The following BCR variants were observed in gnomAD, a reference collection of about 807,000 sequenced individuals.
BCR encodes the protein BCR activator of RhoGEF and GTPase.
In BCR, 58 loss-of-function variants were observed where a neutral mutation model predicts 138.6. That is an observed-to-expected ratio of 0.42 (90% CI 0.34 to 0.52). The LOEUF (loss-of-function observed/expected upper bound fraction) is 0.52. Among genes scored for constraint, BCR ranks in the 20% least tolerant of loss-of-function variants. The probability of loss-of-function intolerance (pLI) is 0.06; values close to 1 mark genes in which losing one functional copy is unlikely to be tolerated. For missense variants in BCR, 1,599 were observed against 1,727.2 expected (o/e 0.93, Z 1.32); for synonymous variants, 786 against 730.1 (o/e 1.08, Z -1.23).
intron 1 of BCR, among the ~76,000 whole-genome samples, chr22:23,214,069 T>C (rs1300743793): frequency 6.6e-6 from 1 of 152,218 alleles, no homozygotes; most frequent in Non-Finnish European, 1.5e-5. Flanking sequence ...AAAAAGCACC[T>C]AGCGTGGCTG....
rs552454666 is a variant in BCR at position 23,301,754 on chromosome 22, T to C, written c.3012+6599T>C. 2.6e-5 allele frequency among the ~76,000 whole-genome samples: 4 copies of C among 152,178 alleles called. No individual in the cohort carries two copies. The South Asian group carries it at 8.3e-4, about 31-fold the overall frequency. The stretch of plus-strand genomic sequence containing the variant: ...CTGGGGAGAGGGGTCTTCTTGTTCT[T>C]GGGGACCCCCCCGCCAGGCATGGCA... On this transcript the variant is annotated intron_variant, in intron 16 of 22. Coordinates refer to ENST00000305877, the MANE Select transcript of BCR (RefSeq NM_004327.4).
intron 18 of BCR, among the ~76,000 whole-genome samples, chr22:23,311,422 T>C (rs1344616546): frequency 6.6e-6 from 1 of 151,818 alleles, no homozygotes; most frequent in Non-Finnish European, 1.5e-5. Flanking sequence ...CCGTGCTGAC[T>C]TGACATAGAC....
Position 23,289,631 on chromosome 22 carries a change from C to CG in BCR, c.2707+10_2707+11insG, listed in dbSNP as rs775492543. 6 of 1,610,648 alleles carry CG rather than the reference C, an allele frequency of 3.7e-6. No individual in the cohort carries two copies. The African/African-American group carries it at 5.3e-5, about 14-fold the overall frequency. On this transcript the variant is annotated intron_variant, in intron 13 of 22. Coordinates refer to ENST00000305877, the MANE Select transcript of BCR (RefSeq NM_004327.4). ...ACCATCAATAAGGAAGGTGGGCCCC[C>CG]CCGTTTCCGTGTACAGGGCACCTGC...
Position 23,316,859 on chromosome 22 carries a change from G to A in BCR, c.*1337G>A, listed in dbSNP as rs1398057813. 6 of 112,422 alleles carry A rather than the reference G, an allele frequency of 5.3e-5. No homozygotes were observed. In the Middle Eastern group the frequency reaches 6.8e-3, roughly 127 times the overall value. 7.0% of individuals were successfully genotyped at this position (112,422 alleles called of 1,614,324 possible). The stretch of plus-strand genomic sequence containing the variant: ...CAAAGAAAACAGAAGCATGGAGACC[G>A]CCAAGTATTTTCAAGAAATAACCCC... On this transcript the variant is annotated 3_prime_UTR_variant, in exon 23 of 23. Coordinates refer to ENST00000305877, the MANE Select transcript of BCR (RefSeq NM_004327.4).
chr22:23,254,215 A>G (rs368207741), intron 2 of BCR, among the ~76,000 whole-genome samples: 1 of 151,960 alleles, frequency 6.6e-6, no homozygotes, highest in East Asian at 1.9e-4. Context: ...GGCAGGCAGC[A>G]TGTGGTCTTG....
intron 1 of BCR, among the ~76,000 whole-genome samples, chr22:23,184,748 ACCTTGACAC>A (rs1430473453): frequency 6.6e-6 from 1 of 152,136 alleles, no homozygotes; most frequent in African/African-American, 2.4e-5. Flanking sequence ...AGCCCTGGGC[ACCTTGACAC>A]TCTGCCTAGC....
chr22:23,253,093 C>A (rs2073249939), intron 1 of BCR, among the ~76,000 whole-genome samples: 1 of 152,164 alleles, frequency 6.6e-6, no homozygotes, highest in African/African-American at 2.4e-5. Context: ...AAATAACTTA[C>A]TAGCTGACTG....
At chr22:23,188,875 T>G (rs1293409259) in intron 1 of BCR, among the ~76,000 whole-genome samples, 1 of 152,242 alleles carries the variant, frequency 6.6e-6, no homozygotes, top group Non-Finnish European at 1.5e-5. Context: ...GTTATATTTT[T>G]TATTTTTTCA....
intron 1 of BCR, among the ~76,000 whole-genome samples, chr22:23,246,691 C>G (rs1602059693): frequency 6.6e-6 from 1 of 152,100 alleles, no homozygotes; most frequent in Admixed American, 6.6e-5. Flanking sequence ...CACTCAGGTG[C>G]GTATTCCAAG....
At chr22:23,184,680 G>A (rs899289315) in intron 1 of BCR, among the ~76,000 whole-genome samples, 6 of 152,096 alleles carry the variant, frequency 3.9e-5, no homozygotes, top group Non-Finnish European at 7.3e-5. Context: ...GTTCACTCTT[G>A]GTGTTGTACA....
chr22:23,199,329 C>T (rs1173770986), intron 1 of BCR: 1 of 518,410 alleles, frequency 1.9e-6, no homozygotes. Context: ...ATGCCTGTGT[C>T]ATCTCCTGGC....
chr22:23,244,259 T>C (rs150552731), intron 1 of BCR, among the ~76,000 whole-genome samples: 101 of 152,324 alleles, frequency 6.6e-4, no homozygotes, highest in African/African-American at 2.3e-3. Flanking sequence ...GTAGTAGTAA[T>C]TGGACAATCT....
intron 1 of BCR, among the ~76,000 whole-genome samples, chr22:23,237,104 G>A (rs773377213): frequency 5.9e-5 from 9 of 152,200 alleles, no homozygotes; most frequent in South Asian, 2.1e-4. Flanking sequence ...TTTTCCTGGC[G>A]TGTCTGCAGT....
chr22:23,270,947 T>C (rs2073502866), intron 5 of BCR, among the ~76,000 whole-genome samples: 1 of 152,234 alleles, frequency 6.6e-6, no homozygotes, highest in African/African-American at 2.4e-5. Flanking sequence ...GGTGGAGGTA[T>C]AATCCAGTGT....
chr22:23,263,248 G>T, intron 4 of BCR: 1 of 1,057,118 alleles, frequency 9.5e-7, no homozygotes, highest in South Asian at 1.4e-5. Context: ...CTGCACATGT[G>T]CTCCTACCTC....
At chr22:23,263,478 A>G in intron 4 of BCR, 2 of 1,531,122 alleles carry the variant, frequency 1.3e-6, no homozygotes, top group Admixed American at 3.3e-5. Flanking sequence ...ATGCAGTCAG[A>G]TGCCCTGGAT....
At position 23,314,078 on chromosome 22, in the gene BCR, C is replaced by G; in HGVS notation, c.3563+5C>G. 6.2e-7 allele frequency: 1 copy of G among 1,609,828 alleles called. No homozygotes were observed. Among genetic ancestry groups the G allele is most frequent in the South Asian group, 1.1e-5 (1 of 90,984 alleles). ...CCTTCTGGACCACCTGAAAAGGTAG[C>G]CCAGCTCTCCCATGGCAGCCCAGGG... is the stretch of plus-strand genomic sequence containing the variant. On this transcript the variant is annotated splice_donor_5th_base_variant and intron_variant, in intron 21 of 22. Transcript: ENST00000305877.
chr22:23,289,404 A>T, intron 12 of BCR, 113 bp from the exon 13 acceptor site: 1 of 845,834 alleles, frequency 1.2e-6, no homozygotes, highest in Non-Finnish European at 1.9e-6. Context: ...AAGCCCTGGC[A>T]CCAGTTCTTG....
chr22:23,315,620 G>A lies in BCR; in HGVS notation c.*98G>A. 1.7e-6 allele frequency: 2 copies of A among 1,160,282 alleles called. No homozygotes were observed. Among genetic ancestry groups the A allele is most frequent in the Non-Finnish European group, 2.6e-6 (2 of 784,066 alleles). The allele number at this position is 1,160,282 out of a possible 1,614,324, so 71.9% of individuals were successfully genotyped here. A position where few individuals can be genotyped will look rare whatever the true frequency, so the allele number is the denominator to read the frequency against. On this transcript the variant is annotated 3_prime_UTR_variant, in exon 23 of 23. Transcript: ENST00000305877. ...GGGAACCTTCCTGAGGTGTCCTTGG[G>A]CCACCCCCAAGTGTTGGGCCATCTG...
Sources: gnomAD v4.1 joint callset for allele counts (sites outside exome capture counted in the v4.1 genomes callset) on GRCh38, gnomAD v4.1.1 for gene constraint, MANE v1.5 for transcripts, NCBI Gene and HGNC (gene_info 2026-07-23, HGNC 2026-07-21) for gene names.